ANO4: variants seen among roughly 807,000 people sequenced by gnomAD.
The protein encoded by ANO4 is anoctamin 4.
In ANO4, 69 loss-of-function variants were observed where a neutral mutation model predicts 141.9. The ratio of observed to expected loss-of-function variants is 0.49; its 90% CI spans 0.40 to 0.59. The LOEUF (loss-of-function observed/expected upper bound fraction) is 0.59. ANO4 is among the 20% of genes least tolerant of loss of function. The probability of loss-of-function intolerance (pLI) is 0.00; values close to 1 mark genes in which losing one functional copy is unlikely to be tolerated. For missense variants in ANO4, 894 were observed against 1,162.2 expected (o/e 0.77, Z 3.36); for synonymous variants, 350 against 394.3 (o/e 0.89, Z 1.33).
chr12:101,012,694 A>T (rs2046147690), intron 8 of ANO4, among the ~76,000 whole-genome samples: 1 of 152,100 alleles, frequency 6.6e-6, no homozygotes, highest in South Asian at 2.1e-4. Context: ...GATCTTATTC[A>T]TTTTTTTTAA....
At chr12:100,991,912 T>C (rs2045132502) in intron 8 of ANO4, among the ~76,000 whole-genome samples, 1 of 152,214 alleles carries the variant, frequency 6.6e-6, no homozygotes, top group South Asian at 2.1e-4. Context: ...TACCTTCTTT[T>C]CAAATGTAGA....
In ANO4 at chr12:100,942,365, C is replaced by G. The variant is rs748981819; in HGVS notation, c.298-12C>G. On this transcript the variant is annotated splice_polypyrimidine_tract_variant and intron_variant, in intron 4 of 27. Coordinates refer to ENST00000392977, the MANE Select transcript of ANO4 (RefSeq NM_001286615.2). Reference sequence around the variant, plus strand: ...GAATGACTTAAACTGGTCCCTTTCTCTTTGTGTGCAGACAGTGCCAGAAAG... The same window carrying G: ...GAATGACTTAAACTGGTCCCTTTCTGTTTGTGTGCAGACAGTGCCAGAAAG... 2 of 1,610,092 alleles carry G rather than the reference C, an allele frequency of 1.2e-6. No homozygotes were observed. Among genetic ancestry groups the G allele is most frequent in the South Asian group, 1.1e-5 (1 of 89,954 alleles).
At chr12:100,932,143 G>C (rs556036697) in intron 3 of ANO4, among the ~76,000 whole-genome samples, 3 of 152,092 alleles carry the variant, frequency 2.0e-5, no homozygotes, top group African/African-American at 7.2e-5. Context: ...ATGCTGCAAA[G>C]CCCTCTTCTG....
At chr12:100,919,516 G>C (rs2041508152) in intron 2 of ANO4, among the ~76,000 whole-genome samples, 1 of 152,090 alleles carries the variant, frequency 6.6e-6, no homozygotes, top group Non-Finnish European at 1.5e-5. Context: ...GGAGCAATAG[G>C]CTGCACCATG....
intron 1 of ANO4, among the ~76,000 whole-genome samples, chr12:100,829,155 A>C (rs2036511998): frequency 6.6e-6 from 1 of 152,100 alleles, no homozygotes; most frequent in Non-Finnish European, 1.5e-5. Flanking sequence ...GGAAAAGCTG[A>C]ATCGACATAT....
At chr12:100,943,962 T>C (rs1480560785) in intron 5 of ANO4, among the ~76,000 whole-genome samples, 1 of 152,180 alleles carries the variant, frequency 6.6e-6, no homozygotes, top group Admixed American at 6.5e-5. Context: ...TAATCTAAAA[T>C]AATGGAAGTC....
At chr12:100,759,344 G>C (rs1286452872) in intron 3 of ANO4, among the ~76,000 whole-genome samples, 1 of 152,198 alleles carries the variant, frequency 6.6e-6, no homozygotes, top group Non-Finnish European at 1.5e-5. Context: ...ACTAAGAACA[G>C]ACTGAAAAAT....
chr12:101,057,762 G>A (rs1408963104), intron 14 of ANO4, among the ~76,000 whole-genome samples: 1 of 152,098 alleles, frequency 6.6e-6, no homozygotes, highest in Non-Finnish European at 1.5e-5. Context: ...CTGGATATTA[G>A]CTCTTTGTCA....
chr12:100,802,085 C>T (rs967940360), intron 1 of ANO4, among the ~76,000 whole-genome samples: 5 of 152,150 alleles, frequency 3.3e-5, no homozygotes, highest in African/African-American at 1.2e-4. Flanking sequence ...TAACTTAAAT[C>T]AATCAGTTTA....
At chr12:100,855,579 C>G (rs577456957) in intron 1 of ANO4, among the ~76,000 whole-genome samples, 1 of 152,232 alleles carries the variant, frequency 6.6e-6, no homozygotes, top group African/African-American at 2.4e-5. Flanking sequence ...ATCATACTTA[C>G]AGAGTTTGTT....
At chr12:100,939,524 C>T (rs879137039) in intron 4 of ANO4, 73 bp downstream of exon 4, 12 of 1,527,560 alleles carry the variant, frequency 7.9e-6, no homozygotes, top group Admixed American at 1.9e-5. Context: ...TTCCAATGGA[C>T]TGTTTAAAGT....
chr12:101,095,852 G>C (rs2049961503), intron 18 of ANO4, among the ~76,000 whole-genome samples: 1 of 152,090 alleles, frequency 6.6e-6, no homozygotes, highest in Admixed American at 6.6e-5. Context: ...TCCATGTTTT[G>C]GTTCACACCA....
intron 5 of ANO4, among the ~76,000 whole-genome samples, chr12:100,955,161 G>A (rs956679049): frequency 6.6e-6 from 1 of 152,210 alleles, no homozygotes; most frequent in African/African-American, 2.4e-5. Context: ...ATCTATTATT[G>A]TATAACAAAC....
At chr12:101,104,619 GTATGTGTGTATATATATA>G (rs2050348185) in intron 22 of ANO4, among the ~76,000 whole-genome samples, 1 of 41,814 alleles carries the variant, frequency 2.4e-5, no homozygotes, top group Non-Finnish European at 4.1e-5. Context: ...GTGTGTGTAT[GTATGTGTGTATATATATA>G]TATATATATA....
intron 7 of ANO4, among the ~76,000 whole-genome samples, chr12:100,981,987 T>A (rs1274697273): frequency 6.6e-6 from 1 of 152,158 alleles, no homozygotes; most frequent in Non-Finnish European, 1.5e-5. Context: ...CTGGCAAGTT[T>A]GTACCCATTT....
chr12:101,078,280 T>C (rs2136848281), intron 14 of ANO4, among the ~76,000 whole-genome samples: 1 of 152,270 alleles, frequency 6.6e-6, no homozygotes, highest in East Asian at 1.9e-4. Context: ...CTAGGGTATG[T>C]CTGTTATATC....
chr12:100,760,975 A>G (rs1422585263), intron 3 of ANO4, among the ~76,000 whole-genome samples: 2 of 152,278 alleles, frequency 1.3e-5, no homozygotes, highest in African/African-American at 2.4e-5. Flanking sequence ...CATCCTATGT[A>G]TCTTAACTTT....
intron 3 of ANO4, among the ~76,000 whole-genome samples, chr12:100,783,012 A>G (rs1019658005): frequency 2.0e-5 from 3 of 152,186 alleles, no homozygotes; most frequent in Admixed American, 6.5e-5. Context: ...TGTTAACAGA[A>G]TCTGAATCCT....
chr12:100,949,208 G>A (rs2042870507), intron 5 of ANO4, among the ~76,000 whole-genome samples: 2 of 152,204 alleles, frequency 1.3e-5, no homozygotes, highest in African/African-American at 4.8e-5. Flanking sequence ...CTAAAGCAGA[G>A]AACCCAGCTC....
Sources: allele counts gnomAD v4.1 joint callset (sites outside exome capture counted in the v4.1 genomes callset), GRCh38; gene constraint gnomAD v4.1.1; transcripts MANE v1.5; gene names NCBI Gene and HGNC (gene_info 2026-07-23, HGNC 2026-07-21).